PADI6: variants seen among roughly 807,000 people sequenced by gnomAD.
The protein encoded by PADI6 is peptidyl arginine deiminase 6.
Under a neutral mutation model 78.2 loss-of-function variants are expected in PADI6, and 66 were observed. That is an observed-to-expected ratio of 0.84 (90% confidence interval 0.69 to 1.04). PADI6 has a LOEUF of 1.04. Ranked by LOEUF, PADI6 falls within the 50% of genes least tolerant of loss-of-function variation. The pLI is 0.00. For synonymous variants in PADI6, 397 were observed against 346.9 expected (o/e 1.14, Z -1.60); for missense variants, 854 against 866.1 (o/e 0.99, Z 0.18).
chr1:17,383,915 A>G (rs1484263603), intron 6 of PADI6, among the ~76,000 whole-genome samples: 2 of 142,068 alleles, frequency 1.4e-5, no homozygotes, highest in South Asian at 2.3e-4. Context: ...TCGGGAGGCC[A>G]AGGCAGGCGG....
intron 6 of PADI6, among the ~76,000 whole-genome samples, chr1:17,386,283 C>A (rs979716751): frequency 1.3e-5 from 2 of 152,202 alleles, no homozygotes; most frequent in South Asian, 4.1e-4. Flanking sequence ...GCAAAGATAG[C>A]CCACAGTGAA....
intron 15 of PADI6, 28 bp from the exon 16 acceptor site, chr1:17,401,177 G>A: frequency 6.2e-7 from 1 of 1,608,766 alleles, no homozygotes; most frequent in East Asian, 2.2e-5. Flanking sequence ...TCCCTGTCCA[G>A]GCCTCACCCA....
chr1:17,394,276 T>A (rs759837073), intron 10 of PADI6, 24 bp from the exon 11 acceptor site: 1 of 1,608,678 alleles, frequency 6.2e-7, no homozygotes, highest in East Asian at 2.2e-5. Flanking sequence ...TAACACCCCT[T>A]CCCTGGCTCG....
chr1:17,382,060 A>C lies in PADI6; in HGVS notation c.647A>C (p.Glu216Ala). 1 of 1,614,012 alleles carries C rather than the reference A, an allele frequency of 6.2e-7. No homozygotes were observed. The highest frequency in any genetic ancestry group is 8.5e-7 in the Non-Finnish European group (1 of 1,179,880). The change falls in exon 6 of 16, where the codon GAG becomes GCG. Residue 216 changes from glutamate to alanine, a missense_variant. By Grantham distance (107) the Glu-to-Ala change is moderately radical. Coordinates refer to ENST00000619609, the MANE Select transcript of PADI6 (RefSeq NM_207421.4). Reference protein sequence around the residue: ...YRLVLHTSKEESKKARVYWPQ... With the variant: ...YRLVLHTSKEASKKARVYWPQ... ...CTAGTCCTCCATACCTCCAAGGAAG[A>C]GTCGAAGAAGGCGAGAGTCTACTGG... is the stretch of plus-strand genomic sequence containing the variant.
chr1:17,394,909 G>A lies in PADI6; in HGVS notation c.1338-42G>A, dbSNP rs957138837. ...CCAAGTGGCGGGTGACCAGCCCTGG[G>A]CCACACTGGCTCAAGAGCTGTTCTT... On this transcript the variant is annotated intron_variant, in intron 11 of 15. Coordinates refer to ENST00000619609, the MANE Select transcript of PADI6 (RefSeq NM_207421.4). 3.3e-6 allele frequency: 5 copies of A among 1,534,792 alleles called. No individual in the cohort carries two copies. In the African/African-American group the frequency reaches 4.1e-5, roughly 13 times the overall value.
intron 9 of PADI6, 102 bp from the exon 10 acceptor site, chr1:17,393,872 AG>A (rs2075217095): frequency 1.0e-6 from 1 of 957,174 alleles, no homozygotes; most frequent in East Asian, 2.6e-5. Flanking sequence ...AGGGTTGAGC[AG>A]GAGTTGGCAG....
chr1:17,385,756 G>A (rs2075113173), intron 6 of PADI6, among the ~76,000 whole-genome samples: 1 of 152,168 alleles, frequency 6.6e-6, no homozygotes, highest in Non-Finnish European at 1.5e-5. Flanking sequence ...AAAGAAAGGG[G>A]TAGCTGGCAT....
At position 17,379,865 on chromosome 1, in the gene PADI6, T is replaced by G. The variant is rs6666031; in HGVS notation, c.368-55T>G. Reference sequence around the variant, plus strand: ...CCCCACAGGAGATAACCTATAACTTTGAGGTTCCATCTGGCAGGTCAAGGT... The same window carrying G: ...CCCCACAGGAGATAACCTATAACTTGGAGGTTCCATCTGGCAGGTCAAGGT... On this transcript the variant is annotated intron_variant, in intron 3 of 15. Transcript: ENST00000619609. The G allele has an allele frequency of 2.6e-3, 3,980 of 1,524,010 alleles. 90 individuals are homozygous for G. The African/African-American group carries it at 0.047, about 18-fold the overall frequency. 94.4% of individuals were successfully genotyped at this position (1,524,010 alleles called of 1,614,324 possible).
chr1:17,396,327 G>A (rs996996059), intron 13 of PADI6, among the ~76,000 whole-genome samples: 2 of 152,114 alleles, frequency 1.3e-5, no homozygotes, highest in African/African-American at 4.8e-5. Flanking sequence ...TGGAGGTTGC[G>A]GTGAGCTAAG....
chr1:17,377,149 TTTTTA>T lies in PADI6; in HGVS notation c.367+1660_367+1664del, dbSNP rs538945236. On this transcript the variant is annotated intron_variant, in intron 3 of 15. Transcript: ENST00000619609. ...ACCACCATGCCCAGCTGACTTTATT[TTTTTA>T]TTTTATTTTTTCCCCCATAGAGAGG... Among the ~76,000 whole-genome samples, 12 of 151,010 alleles carry T rather than the reference TTTTTA, an allele frequency of 7.9e-5. No homozygotes were observed. In the South Asian group the frequency reaches 2.3e-3, roughly 29 times the overall value.
intron 8 of PADI6, among the ~76,000 whole-genome samples, chr1:17,390,844 T>C (rs917964192): frequency 6.6e-6 from 1 of 152,224 alleles, no homozygotes; most frequent in Non-Finnish European, 1.5e-5. Flanking sequence ...AGGAGGCATC[T>C]ACTTGTTCTT....
intron 10 of PADI6, 70 bp from the exon 11 acceptor site, chr1:17,394,230 T>TTAGG (rs903186139): frequency 6.9e-6 from 11 of 1,585,674 alleles, no homozygotes; most frequent in Non-Finnish European, 9.5e-6. Context: ...GAGCCTGGAT[T>TTAGG]TAGGGATAAG....
Position 17,381,034 on chromosome 1 carries a change from A to T in PADI6, c.436-13A>T. The T allele has an allele frequency of 6.3e-7, 1 of 1,578,540 alleles. No homozygotes were observed. The highest frequency in any genetic ancestry group is 8.6e-7 in the Non-Finnish European group (1 of 1,160,998). On this transcript the variant is annotated splice_polypyrimidine_tract_variant and intron_variant, in intron 4 of 15. Transcript: ENST00000619609. Reference sequence around the variant, plus strand: ...GGCTCCTTCCTGAGCCAATGTTCCCATCTCATTTGCAGAAAAAATGGATCT... The same window carrying T: ...GGCTCCTTCCTGAGCCAATGTTCCCTTCTCATTTGCAGAAAAAATGGATCT...
chr1:17,394,539 A>C, intron 11 of PADI6, 85 bp downstream of exon 11: 3 of 1,419,342 alleles, frequency 2.1e-6, no homozygotes, highest in Non-Finnish European at 2.9e-6. Context: ...ATAGCACCTC[A>C]GCAGGTCACA....
rs773982208 is a variant in PADI6 at position 17,379,882 on chromosome 1, GGTCAA to G, written c.368-36_368-32del. The G allele has an allele frequency of 2.5e-6, 4 of 1,594,634 alleles. No individual in the cohort carries two copies. The South Asian group carries it at 4.4e-5, about 18-fold the overall frequency. On this transcript the variant is annotated intron_variant, in intron 3 of 15. Transcript: ENST00000619609. Reference sequence around the variant, plus strand: ...TATAACTTTGAGGTTCCATCTGGCAGGTCAAGGTGGCTGGGACACCCTTTTCTTCT... The same window carrying G: ...TATAACTTTGAGGTTCCATCTGGCAGGGTGGCTGGGACACCCTTTTCTTCT...
intron 15 of PADI6, among the ~76,000 whole-genome samples, chr1:17,399,906 C>G (rs1052765060): frequency 1.3e-5 from 2 of 151,710 alleles, no homozygotes; most frequent in Non-Finnish European, 1.5e-5. Flanking sequence ...TGTGGTGGTG[C>G]ATGCCTATAA....
chr1:17,378,258 G>T (rs182726584), intron 3 of PADI6, among the ~76,000 whole-genome samples: 1 of 152,166 alleles, frequency 6.6e-6, no homozygotes, highest in East Asian at 1.9e-4. Flanking sequence ...CCCACCCCTG[G>T]TGTACACATA....
chr1:17,392,337 A>G, intron 9 of PADI6, 112 bp downstream of exon 9: 4 of 773,876 alleles, frequency 5.2e-6, no homozygotes, highest in Non-Finnish European at 8.4e-6. Flanking sequence ...CGAAGCCTTG[A>G]TAGGGGCGGC....
At chr1:17,377,430 C>G (rs1474952670) in intron 3 of PADI6, among the ~76,000 whole-genome samples, 2 of 152,178 alleles carry the variant, frequency 1.3e-5, no homozygotes, top group East Asian at 3.9e-4. Flanking sequence ...TGAAGTGTCT[C>G]AGGCTCAGGA....
Sources: allele counts gnomAD v4.1 joint callset (sites outside exome capture counted in the v4.1 genomes callset), GRCh38; gene constraint gnomAD v4.1.1; transcripts MANE v1.5; gene names NCBI Gene and HGNC (gene_info 2026-07-23, HGNC 2026-07-21).